Variants in SDK1 observed in about 807,000 individuals in gnomAD.
SDK1 encodes sidekick cell adhesion molecule 1.
In SDK1, 157 loss-of-function variants were observed where a neutral mutation model predicts 245.5. That is an observed-to-expected ratio of 0.64 (90% CI 0.56 to 0.73). The LOEUF (loss-of-function observed/expected upper bound fraction) is 0.73, where lower values mean the gene tolerates loss of function less well. SDK1 is among the 30% of genes least tolerant of loss of function. The pLI is 0.00. For missense variants in SDK1, 3,583 were observed against 3,002.3 expected (o/e 1.19, Z -4.52); for synonymous variants, 1,647 against 1,278.5 (o/e 1.29, Z -6.15).
At chr7:4,013,515 T>A (rs1311586759) in intron 16 of SDK1, among the ~76,000 whole-genome samples, 1 of 152,204 alleles carries the variant, frequency 6.6e-6, no homozygotes, top group Non-Finnish European at 1.5e-5. Flanking sequence ...AGATGTAATT[T>A]CTTAGATAAA....
intron 32 of SDK1, among the ~76,000 whole-genome samples, chr7:4,166,457 T>C (rs1370600355): frequency 6.6e-6 from 1 of 152,222 alleles, no homozygotes; most frequent in Non-Finnish European, 1.5e-5. Context: ...TTGGCAGGAC[T>C]GCCAGGCCCC....
intron 1 of SDK1, among the ~76,000 whole-genome samples, chr7:3,493,538 C>G (rs1325421587): frequency 6.6e-6 from 1 of 152,160 alleles, no homozygotes; most frequent in African/African-American, 2.4e-5. Context: ...AGTGCCCACA[C>G]TGATAAAACA....
intron 4 of SDK1, among the ~76,000 whole-genome samples, chr7:3,764,228 G>A (rs917971064): frequency 2.6e-5 from 4 of 152,014 alleles, no homozygotes; most frequent in African/African-American, 9.7e-5. Flanking sequence ...TTGCTCCTAG[G>A]TTCTGTATTT....
intron 1 of SDK1, among the ~76,000 whole-genome samples, chr7:3,582,454 C>T (rs373469017): frequency 1.2e-4 from 17 of 142,366 alleles, no homozygotes; most frequent in African/African-American, 2.3e-4. Context: ...GGTAGGTCTC[C>T]CTCAGGTAGG....
chr7:4,052,293 C>G (rs960849275), intron 19 of SDK1, among the ~76,000 whole-genome samples: 3 of 151,360 alleles, frequency 2.0e-5, no homozygotes, highest in African/African-American at 4.9e-5. Context: ...GAAGCCACTC[C>G]TTCTCTGCTC....
At chr7:3,993,344 C>T (rs541782029) in intron 14 of SDK1, among the ~76,000 whole-genome samples, 1 of 152,162 alleles carries the variant, frequency 6.6e-6, no homozygotes, top group South Asian at 2.1e-4. Context: ...AAAATTAAGT[C>T]TTTTTCTTAT....
At chr7:3,399,271 A>G (rs778823349) in intron 1 of SDK1, among the ~76,000 whole-genome samples, 2 of 151,868 alleles carry the variant, frequency 1.3e-5, no homozygotes, top group Non-Finnish European at 2.9e-5. Flanking sequence ...TTCAGTTATC[A>G]TACCTTTCAA....
intron 32 of SDK1, among the ~76,000 whole-genome samples, chr7:4,166,993 C>G (rs1432699054): frequency 6.6e-6 from 1 of 152,330 alleles, no homozygotes; most frequent in Non-Finnish European, 1.5e-5. Context: ...CTCCACTCAA[C>G]TCTGTGGCTC....
chr7:3,494,490 T>G (rs1781961659), intron 1 of SDK1, among the ~76,000 whole-genome samples: 1 of 152,156 alleles, frequency 6.6e-6, no homozygotes. Flanking sequence ...TGAAAGAATT[T>G]TTTTTGTTTT....
chr7:4,158,685 C>G, intron 31 of SDK1, 134 bp downstream of exon 31: 1 of 635,562 alleles, frequency 1.6e-6, no homozygotes, highest in African/African-American at 1.8e-5. Context: ...CCATTAGTGA[C>G]AGACAGCTCG....
At chr7:3,426,662 T>G (rs896075522) in intron 1 of SDK1, among the ~76,000 whole-genome samples, 6 of 152,226 alleles carry the variant, frequency 3.9e-5, no homozygotes, top group Admixed American at 6.5e-5. Context: ...CTTTGGTCAA[T>G]TCTGCATTTG....
chr7:3,441,373 C>T (rs1356596227), intron 1 of SDK1, among the ~76,000 whole-genome samples: 1 of 151,784 alleles, frequency 6.6e-6, no homozygotes, highest in Non-Finnish European at 1.5e-5. Context: ...ATGTGTGGAT[C>T]CAAAATCTCA....
intron 5 of SDK1, among the ~76,000 whole-genome samples, chr7:3,891,164 TG>T (rs1426511988): frequency 1.3e-5 from 2 of 152,036 alleles, no homozygotes; most frequent in Non-Finnish European, 1.5e-5. Context: ...GGAAAGAGGA[TG>T]GGGGAGGCCC....
chr7:3,951,530 C>A (rs528303519), intron 6 of SDK1, among the ~76,000 whole-genome samples, 200 bp from the exon 7 acceptor site: 2 of 152,258 alleles, frequency 1.3e-5, no homozygotes, highest in South Asian at 2.1e-4. Context: ...GCTTAATAGC[C>A]CTTGAGCAGA....
chr7:3,731,271 G>T lies in SDK1; in HGVS notation c.713+89166G>T, dbSNP rs562518802. On this transcript the variant is annotated intron_variant, in intron 4 of 44. Coordinates refer to ENST00000404826, the MANE Select transcript of SDK1 (RefSeq NM_152744.4). ...CACATGGGCATGTTTTCCTGGCAGT[G>T]GGTCCAGGAGAGAAAGAAAAAACAT... Among the ~76,000 whole-genome samples the T allele has an allele frequency of 2.6e-5, 4 of 152,224 alleles. No homozygotes were observed. The South Asian group carries it at 8.3e-4, about 32-fold the overall frequency.
At chr7:3,721,451 T>C (rs1778798034) in intron 4 of SDK1, among the ~76,000 whole-genome samples, 1 of 152,146 alleles carries the variant, frequency 6.6e-6, no homozygotes, top group South Asian at 2.1e-4. Context: ...CAAAATAAAA[T>C]GAATTAAAGA....
At chr7:4,092,628 G>A (rs1738714902) in intron 22 of SDK1, among the ~76,000 whole-genome samples, 1 of 152,182 alleles carries the variant, frequency 6.6e-6, no homozygotes. Context: ...CCTGGCCCTG[G>A]GCTAGAATTT....
intron 44 of SDK1, among the ~76,000 whole-genome samples, chr7:4,255,431 G>T (rs1451150685): frequency 6.6e-6 from 1 of 152,202 alleles, no homozygotes; most frequent in African/African-American, 2.4e-5. Context: ...CACAAGTGGG[G>T]CACTGGGTTG....
At chr7:3,422,223 C>T (rs1779553601) in intron 1 of SDK1, among the ~76,000 whole-genome samples, 1 of 152,076 alleles carries the variant, frequency 6.6e-6, no homozygotes, top group African/African-American at 2.4e-5. Flanking sequence ...AGCCAAACTA[C>T]TCTTACATAG....
Sources: gnomAD v4.1 joint callset for allele counts (sites outside exome capture counted in the v4.1 genomes callset) on GRCh38, gnomAD v4.1.1 for gene constraint, MANE v1.5 for transcripts, NCBI Gene and HGNC (gene_info 2026-07-23, HGNC 2026-07-21) for gene names.